Variants in PHIP observed in about 807,000 individuals in gnomAD.
PHIP encodes PH-interacting protein.
PHIP carries 54 observed loss-of-function variants against 236.8 expected under a neutral mutation model. The ratio of observed to expected loss-of-function variants is 0.23; its 90% confidence interval spans 0.18 to 0.29. The LOEUF (loss-of-function observed/expected upper bound fraction) is 0.29. Among genes scored for constraint, PHIP ranks in the 10% least tolerant of loss-of-function variants. The probability of loss-of-function intolerance (pLI) is 1.00; values close to 1 mark genes in which losing one functional copy is unlikely to be tolerated. For missense variants in PHIP, 1,370 were observed against 2,190.8 expected (o/e 0.63, Z 7.48); for synonymous variants, 756 against 718.9 (o/e 1.05, Z -0.83).
intron 15 of PHIP, among the ~76,000 whole-genome samples, chr6:79,008,751 G>A (rs1770428122): frequency 6.6e-6 from 1 of 152,090 alleles, no homozygotes; most frequent in African/African-American, 2.4e-5. Flanking sequence ...CCTCTAAGTA[G>A]TCTATCTCCA....
intron 16 of PHIP, among the ~76,000 whole-genome samples, chr6:79,003,414 C>A (rs1456888313): frequency 6.6e-6 from 1 of 151,960 alleles, no homozygotes; most frequent in East Asian, 1.9e-4. Flanking sequence ...TTCAGAGTCC[C>A]ACTATGGATA....
chr6:78,968,687 A>T (rs1256551786), intron 27 of PHIP, among the ~76,000 whole-genome samples: 2 of 152,166 alleles, frequency 1.3e-5, no homozygotes, highest in Non-Finnish European at 2.9e-5. Context: ...GCTCCTAAGC[A>T]AAACAGCATA....
intron 15 of PHIP, among the ~76,000 whole-genome samples, chr6:79,011,692 C>A (rs1933238): frequency 0.11 from 16,074 of 151,594 alleles, 877 homozygotes; most frequent in Middle Eastern, 0.19. Context: ...AAAATAAACC[C>A]CTCAGTTTCT....
Position 78,955,609 on chromosome 6 carries a change from A to G in PHIP, c.3852+4T>C, listed in dbSNP as rs1766368800. On this transcript the variant is annotated splice_donor_region_variant and intron_variant, in intron 33 of 39. Transcript: ENST00000275034. ...TATGGTAATAATAATGAAATATTAC[A>G]TACCTCAGAATCAGACAAAACTTTC... is the stretch of plus-strand genomic sequence containing the variant. 1.1e-6 allele frequency: 1 copy of G among 888,272 alleles called. No individual in the cohort carries two copies. The highest frequency in any genetic ancestry group is 2.0e-5 in the Admixed American group (1 of 49,280). The allele number at this position is 888,272 out of a possible 1,614,324, so 55.0% of individuals were successfully genotyped here.
chr6:79,044,423 C>T (rs1310111581), intron 6 of PHIP, among the ~76,000 whole-genome samples: 1 of 152,124 alleles, frequency 6.6e-6, no homozygotes, highest in African/African-American at 2.4e-5. Flanking sequence ...ATTTTCTTCA[C>T]GCCCAGGAAT....
intron 15 of PHIP, among the ~76,000 whole-genome samples, chr6:79,011,615 C>T (rs533580767): frequency 1.3e-5 from 2 of 151,798 alleles, no homozygotes; most frequent in East Asian, 3.9e-4. Flanking sequence ...AAACCCAGCA[C>T]CCACTCCCCA....
In PHIP at chr6:78,970,896, A is replaced by G; in HGVS notation, c.2890-8T>C. 1 of 1,571,092 alleles carries G rather than the reference A, an allele frequency of 6.4e-7. No homozygotes were observed. The highest frequency in any genetic ancestry group is 1.4e-5 in the African/African-American group (1 of 73,980). On this transcript the variant is annotated splice_polypyrimidine_tract_variant and splice_region_variant and intron_variant, in intron 24 of 39. Transcript: ENST00000275034. ...TTGTCGGAAATAATAAACCTAAAAA[A>G]TAAAGTCATAATCTTACAACCTGGA...
chr6:79,034,105 A>T (rs1771808531), intron 7 of PHIP, among the ~76,000 whole-genome samples: 1 of 152,198 alleles, frequency 6.6e-6, no homozygotes, highest in Non-Finnish European at 1.5e-5. Context: ...AAAGCTTGAA[A>T]TATTGTGAGA....
chr6:79,012,318 T>C (rs192732416), intron 15 of PHIP, among the ~76,000 whole-genome samples: 1 of 151,896 alleles, frequency 6.6e-6, no homozygotes, highest in East Asian at 1.9e-4. Flanking sequence ...TCTAAAGGTA[T>C]AGTCTACATT....
At chr6:79,054,956 T>A (rs893047896) in intron 6 of PHIP, among the ~76,000 whole-genome samples, 5 of 151,496 alleles carry the variant, frequency 3.3e-5, no homozygotes, top group African/African-American at 9.7e-5. Flanking sequence ...TTTTTTTTTT[T>A]AAATGCAAAG....
chr6:79,015,642 A>G lies in PHIP; in HGVS notation c.1377T>C (p.Ile459=), dbSNP rs1189438869. The G allele has an allele frequency of 3.1e-6, 5 of 1,602,572 alleles. No individual in the cohort carries two copies. Among genetic ancestry groups the G allele is most frequent in the Non-Finnish European group, 4.3e-6 (5 of 1,173,112 alleles). ...KVWNSYTGQL[I]HVLMGHEDEV... The stretch of plus-strand genomic sequence containing the variant: ...AATTTTTTCTCACCATCAGGACATG[A>G]ATTAGTTGACCAGTGTAAGAATTCC... The change falls in exon 14 of 40, where the codon ATT becomes ATC. Residue 459 remains isoleucine (I), a synonymous_variant. Transcript: ENST00000275034.
intron 6 of PHIP, among the ~76,000 whole-genome samples, chr6:79,058,226 T>C (rs1773172305): frequency 6.6e-6 from 1 of 152,052 alleles, no homozygotes; most frequent in African/African-American, 2.4e-5. Flanking sequence ...ATCAATTACA[T>C]TTCTATGCTT....
intron 9 of PHIP, among the ~76,000 whole-genome samples, chr6:79,020,310 G>A (rs914177836): frequency 2.0e-5 from 3 of 152,068 alleles, no homozygotes; most frequent in African/African-American, 4.8e-5. Context: ...TAAAAAATAA[G>A]TTTGTAAATA....
chr6:78,959,528 G>C (rs952868318), intron 31 of PHIP, among the ~76,000 whole-genome samples: 1 of 152,024 alleles, frequency 6.6e-6, no homozygotes, highest in Non-Finnish European at 1.5e-5. Context: ...TTTCACGAAA[G>C]AAAAACAAAC....
At chr6:78,989,376 T>C (rs925918178) in intron 20 of PHIP, among the ~76,000 whole-genome samples, 1 of 152,236 alleles carries the variant, frequency 6.6e-6, no homozygotes, top group Admixed American at 6.5e-5. Flanking sequence ...CAGCTAGGAC[T>C]GTCCCAACGC....
intron 4 of PHIP, among the ~76,000 whole-genome samples, chr6:79,064,855 T>C (rs754391937): frequency 1.3e-5 from 2 of 152,204 alleles, no homozygotes; most frequent in Non-Finnish European, 2.9e-5. Flanking sequence ...TAGACTTGCA[T>C]AGCAAACTTT....
chr6:78,966,849 G>A (rs1263385312), intron 27 of PHIP, among the ~76,000 whole-genome samples: 1 of 152,232 alleles, frequency 6.6e-6, no homozygotes, highest in Non-Finnish European at 1.5e-5. Context: ...CTCGTGGCTA[G>A]CATAGGCTAG....
intron 2 of PHIP, 21 bp from the exon 3 acceptor site, chr6:79,077,750 G>A (rs1482796922): frequency 2.2e-5 from 22 of 995,394 alleles, no homozygotes; most frequent in South Asian, 8.2e-5. Context: ...AAAGCGGGGA[G>A]AGCTGAGCCC....
chr6:78,962,474 A>T (rs900833719), intron 30 of PHIP, among the ~76,000 whole-genome samples: 1 of 152,090 alleles, frequency 6.6e-6, no homozygotes, highest in Non-Finnish European at 1.5e-5. Flanking sequence ...TCAGATTTGA[A>T]TATTCCTCAA....
Sources: gnomAD v4.1 joint callset for allele counts (sites outside exome capture counted in the v4.1 genomes callset) on GRCh38, gnomAD v4.1.1 for gene constraint, MANE v1.5 for transcripts, NCBI Gene and HGNC (gene_info 2026-07-23, HGNC 2026-07-21) for gene names.